PIK3AP1: variants seen among roughly 807,000 people sequenced by gnomAD.
The protein encoded by PIK3AP1 is phosphoinositide 3-kinase adapter protein 1.
PIK3AP1 carries 21 observed loss-of-function variants against 88.1 expected under a neutral mutation model. The observed-to-expected ratio is 0.24, with a 90% CI of 0.17 to 0.34. The LOEUF (loss-of-function observed/expected upper bound fraction) is 0.34, where lower values mean the gene tolerates loss of function less well. Ranked by LOEUF, PIK3AP1 falls within the 10% of genes least tolerant of loss-of-function variation. PIK3AP1 has a pLI of 1.00. For synonymous variants in PIK3AP1, 398 were observed against 400.0 expected, an observed-to-expected ratio of 1.00 and a Z score of 0.06; for missense variants, 828 against 1,035.7, an observed-to-expected ratio of 0.80 and a Z score of 2.75.
chr10:96,633,750 C>T (rs1247338463), intron 8 of PIK3AP1, among the ~76,000 whole-genome samples: 1 of 152,206 alleles, frequency 6.6e-6, no homozygotes, highest in African/African-American at 2.4e-5. Context: ...TGAATTTCTA[C>T]ACATATTCTC....
At chr10:96,603,098 G>C (rs1308755783) in intron 15 of PIK3AP1, among the ~76,000 whole-genome samples, 1 of 152,124 alleles carries the variant, frequency 6.6e-6, no homozygotes, top group Non-Finnish European at 1.5e-5. Flanking sequence ...GCCCCTTAAG[G>C]TTTCACTAGT....
At chr10:96,607,697 C>T (rs1005144744) in intron 14 of PIK3AP1, among the ~76,000 whole-genome samples, 1 of 152,134 alleles carries the variant, frequency 6.6e-6, no homozygotes, top group African/African-American at 2.4e-5. Flanking sequence ...ATATAAAAGG[C>T]TATGAATTAA....
intron 2 of PIK3AP1, among the ~76,000 whole-genome samples, chr10:96,660,004 TCC>T: frequency 6.6e-6 from 1 of 152,126 alleles, no homozygotes; most frequent in Non-Finnish European, 1.5e-5. Context: ...TAAAGGATAG[TCC>T]TATTTTATAT....
chr10:96,718,718 A>T (rs1188168814), intron 1 of PIK3AP1, among the ~76,000 whole-genome samples: 1 of 152,056 alleles, frequency 6.6e-6, no homozygotes, highest in Non-Finnish European at 1.5e-5. Context: ...AAGAGAGGCC[A>T]TTTTCTCAGA....
At chr10:96,644,932 C>T (rs1168552243) in intron 8 of PIK3AP1, among the ~76,000 whole-genome samples, 2 of 152,154 alleles carry the variant, frequency 1.3e-5, no homozygotes, top group Non-Finnish European at 2.9e-5. Flanking sequence ...GCCACCAAGA[C>T]TGCAAACGTG....
In PIK3AP1 at chr10:96,641,116, T is replaced by C. The variant is rs1039388611; in HGVS notation, c.1375+4357A>G. On this transcript the variant is annotated intron_variant, in intron 8 of 16. Coordinates refer to ENST00000339364, the MANE Select transcript of PIK3AP1 (RefSeq NM_152309.3). The stretch of plus-strand genomic sequence containing the variant: ...GTGTGTGTGTGTGTGTGTGTGTGTG[T>C]GTGTGTGTGCGTGTGCATGTATACA... Among the ~76,000 whole-genome samples, 6 of 120,980 alleles carry C rather than the reference T, an allele frequency of 5.0e-5. No individual in the cohort carries two copies. The South Asian group carries it at 7.7e-4, about 16-fold the overall frequency. The allele number at this position is 120,980 out of a possible 152,430, so 79.4% of individuals were successfully genotyped here.
chr10:96,705,943 G>A (rs1412834530), intron 2 of PIK3AP1, among the ~76,000 whole-genome samples: 1 of 138,146 alleles, frequency 7.2e-6, no homozygotes, highest in Admixed American at 7.7e-5. Context: ...ACTCAGGCTG[G>A]AGTGCAGTGG....
intron 10 of PIK3AP1, 53 bp downstream of exon 10, chr10:96,626,655 C>T: frequency 6.4e-7 from 1 of 1,570,048 alleles, no homozygotes; most frequent in African/African-American, 1.4e-5. Flanking sequence ...CCAGGAAATC[C>T]CTGTTGAGAA....
intron 16 of PIK3AP1, 72 bp from the exon 17 acceptor site, chr10:96,595,706 GT>G: frequency 1.3e-6 from 2 of 1,487,704 alleles, no homozygotes; most frequent in Non-Finnish European, 1.9e-6. Flanking sequence ...TGCACAATTT[GT>G]TGCAAACTTG....
Position 96,711,739 on chromosome 10 carries a change from ATTTTT to A in PIK3AP1, c.14-1761_14-1757del, listed in dbSNP as rs763923650. 8.2e-3 allele frequency among the ~76,000 whole-genome samples: 543 copies of A among 66,434 alleles called. 8 individuals carry two copies. Among genetic ancestry groups the A allele is most frequent in the African/African-American group, 0.034 (487 of 14,248 alleles). 43.6% of individuals were successfully genotyped at this position (66,434 alleles called of 152,430 possible). On this transcript the variant is annotated intron_variant, in intron 1 of 16. Transcript: ENST00000339364. ...ATTTCCCCCAGGATGAGATTACCAA[ATTTTT>A]TTTTTTTTTTTTTTTTTTTTTTTTT...
chr10:96,676,812 C>CTT (rs1343101038), intron 2 of PIK3AP1, among the ~76,000 whole-genome samples: 1 of 152,136 alleles, frequency 6.6e-6, no homozygotes, highest in Non-Finnish European at 1.5e-5. Context: ...ACAGGGACTT[C>CTT]TTTTCTAGGG....
chr10:96,694,406 A>T (rs145299975), intron 2 of PIK3AP1, among the ~76,000 whole-genome samples: 8 of 152,224 alleles, frequency 5.3e-5, no homozygotes, highest in Non-Finnish European at 1.0e-4. Context: ...AAGTCATCTA[A>T]CCCCTCTGGG....
chr10:96,651,611 T>A lies in PIK3AP1; in HGVS notation c.753A>T (p.Gly251=). The A allele has an allele frequency of 6.2e-7, 1 of 1,614,106 alleles. No individual in the cohort carries two copies. The highest frequency in any genetic ancestry group is 8.5e-7 in the Non-Finnish European group (1 of 1,179,984). ...TAACGGTTTCACACACCACTAAGTC[T>A]CCAGAATATATCTTCAGAGAAACGT... is the stretch of plus-strand genomic sequence containing the variant. ...SGNVSLKIYS[G]DLVVCETVIS... Residue 251 remains glycine (G), a synonymous_variant, in exon 5 of 17, where the codon GGA becomes GGT. Coordinates refer to ENST00000339364, the MANE Select transcript of PIK3AP1 (RefSeq NM_152309.3).
chr10:96,650,819 T>C (rs929820527), intron 6 of PIK3AP1, among the ~76,000 whole-genome samples: 4 of 152,068 alleles, frequency 2.6e-5, no homozygotes, highest in African/African-American at 9.7e-5. Flanking sequence ...GATCAAAGCA[T>C]AGAAAAGACA....
intron 2 of PIK3AP1, among the ~76,000 whole-genome samples, chr10:96,679,448 G>A (rs1961505): frequency 0.54 from 82,336 of 151,528 alleles, 23,539 homozygotes; most frequent in African/African-American, 0.74. Context: ...GAATCTCTTG[G>A]ACCTGGGAGG....
At position 96,595,651 on chromosome 10, in the gene PIK3AP1, G is replaced by A; in HGVS notation, c.2361-17C>T. The A allele has an allele frequency of 6.2e-7, 1 of 1,611,770 alleles. No homozygotes were observed. On this transcript the variant is annotated splice_polypyrimidine_tract_variant and intron_variant, in intron 16 of 16. Transcript: ENST00000339364. The stretch of plus-strand genomic sequence containing the variant: ...GTCGGAGGCCTAAAATGAAAGATAA[G>A]GCAACTCTATTTAAAAACTAATTTG...
At chr10:96,704,794 A>G (rs1844341579) in intron 2 of PIK3AP1, among the ~76,000 whole-genome samples, 1 of 152,150 alleles carries the variant, frequency 6.6e-6, no homozygotes, top group Admixed American at 6.5e-5. Context: ...CAGTATATGC[A>G]TATTTACAAG....
At chr10:96,602,473 A>C in intron 15 of PIK3AP1, 75 bp from the exon 16 acceptor site, 2 of 1,311,374 alleles carry the variant, frequency 1.5e-6, no homozygotes, top group Non-Finnish European at 2.2e-6. Flanking sequence ...CCGTAACTCA[A>C]AAGCCCCTTG....
In PIK3AP1 at chr10:96,645,645, G is replaced by A; in HGVS notation, c.1203C>T (p.Leu401=). ...IDEYVETVDM[L]KSHIKEELMH... ...TCAGTTCCTCTTTAATGTGACTCTT[G>A]AGCATGTCCACCGTTTCCTGAAAGA... The change falls in exon 8 of 17, where the codon CTC becomes CTT. Residue 401 remains leucine, a synonymous_variant. Transcript: ENST00000339364. 1 of 1,603,242 alleles carries A rather than the reference G, an allele frequency of 6.2e-7. No homozygotes were observed. Among genetic ancestry groups the A allele is most frequent in the Non-Finnish European group, 8.5e-7 (1 of 1,175,294 alleles).
Sources: allele counts gnomAD v4.1 joint callset (sites outside exome capture counted in the v4.1 genomes callset), GRCh38; gene constraint gnomAD v4.1.1; transcripts MANE v1.5; gene names NCBI Gene and HGNC (gene_info 2026-07-23, HGNC 2026-07-21).